Variants in AK5 observed in about 807,000 individuals in gnomAD.
AK5 encodes adenylate kinase 5.
A neutral mutation model predicts 69.5 loss-of-function variants in AK5; 27 were observed. That is an observed-to-expected ratio of 0.39 (90% CI 0.29 to 0.54). AK5 has a LOEUF of 0.54. Ranked by LOEUF, AK5 falls within the 20% of genes least tolerant of loss-of-function variation. The pLI, the probability that AK5 is intolerant of heterozygous loss-of-function variation, is 0.71. For synonymous variants in AK5, 260 were observed against 244.4 expected (o/e 1.06, Z -0.60); for missense variants, 531 against 700.4 (o/e 0.76, Z 2.73).
At chr1:77,477,003 AGTGTGTGTGTGTGTGT>A (rs10625085) in intron 8 of AK5, among the ~76,000 whole-genome samples, 3 of 147,092 alleles carry the variant, frequency 2.0e-5, no homozygotes, top group South Asian at 2.2e-4. Context: ...TGTTCTTTTT[AGTGTGTGTGTGTGTGT>A]GTGTGTGTGT....
intron 5 of AK5, among the ~76,000 whole-genome samples, chr1:77,308,752 T>C (rs1215992468): frequency 3.3e-5 from 5 of 152,026 alleles, no homozygotes; most frequent in African/African-American, 1.2e-4. Context: ...GACGTTATTA[T>C]TGAAAATGGA....
chr1:77,517,935 G>A (rs1657762117), intron 10 of AK5, among the ~76,000 whole-genome samples: 1 of 152,160 alleles, frequency 6.6e-6, no homozygotes, highest in Admixed American at 6.5e-5. Flanking sequence ...CATTATGATG[G>A]AGGATATGCT....
intron 8 of AK5, among the ~76,000 whole-genome samples, chr1:77,444,847 G>T (rs898047252): frequency 1.3e-5 from 2 of 151,160 alleles, no homozygotes; most frequent in Non-Finnish European, 2.9e-5. Flanking sequence ...AAAGTGCTGG[G>T]ATTATCAGGT....
chr1:77,466,719 T>G (rs1190142338), intron 8 of AK5, among the ~76,000 whole-genome samples: 1 of 152,208 alleles, frequency 6.6e-6, no homozygotes, highest in Admixed American at 6.5e-5. Context: ...CGTCCTCACA[T>G]GTTGGAACAC....
At chr1:77,412,789 A>G (rs148028670) in intron 7 of AK5, among the ~76,000 whole-genome samples, 3 of 152,038 alleles carry the variant, frequency 2.0e-5, no homozygotes, top group Admixed American at 6.5e-5. Flanking sequence ...ATCGCCTCCT[A>G]TGAATGGCAT....
chr1:77,313,626 T>C (rs918019545), intron 5 of AK5, among the ~76,000 whole-genome samples: 1 of 152,016 alleles, frequency 6.6e-6, no homozygotes, highest in African/African-American at 2.4e-5. Flanking sequence ...CTGGTCCTTA[T>C]AAGGCGATGG....
intron 8 of AK5, among the ~76,000 whole-genome samples, chr1:77,461,184 C>T (rs1181125459): frequency 6.6e-6 from 1 of 151,820 alleles, no homozygotes; most frequent in Non-Finnish European, 1.5e-5. Context: ...CAGGTGCCCA[C>T]CACCGCGCCT....
At chr1:77,509,771 G>A (rs1232996266) in intron 10 of AK5, among the ~76,000 whole-genome samples, 1 of 152,210 alleles carries the variant, frequency 6.6e-6, no homozygotes. Context: ...ATATAAAACT[G>A]CTGTGTCCAA....
chr1:77,504,084 C>T (rs1570273211), intron 10 of AK5, among the ~76,000 whole-genome samples: 1 of 152,112 alleles, frequency 6.6e-6, no homozygotes, highest in African/African-American at 2.4e-5. Flanking sequence ...TTGTAAATTG[C>T]AGGTTCCTCA....
intron 7 of AK5, among the ~76,000 whole-genome samples, chr1:77,416,890 T>TATATTTTCTAG (rs1650465015): frequency 6.6e-6 from 1 of 152,142 alleles, no homozygotes; most frequent in South Asian, 2.1e-4. Context: ...GGTAGTTAGA[T>TATATTTTCTAG]GATATATATT....
chr1:77,504,758 C>T (rs554790450), intron 10 of AK5, among the ~76,000 whole-genome samples: 1 of 152,270 alleles, frequency 6.6e-6, no homozygotes, highest in South Asian at 2.1e-4. Flanking sequence ...GCAAGGACTA[C>T]CATAGGCATT....
At chr1:77,469,803 C>T (rs1654354287) in intron 8 of AK5, among the ~76,000 whole-genome samples, 1 of 152,232 alleles carries the variant, frequency 6.6e-6, no homozygotes, top group Non-Finnish European at 1.5e-5. Flanking sequence ...AACTAGCATA[C>T]TGTAACCTCT....
intron 8 of AK5, among the ~76,000 whole-genome samples, chr1:77,439,334 T>G (rs1210657095): frequency 2.6e-5 from 4 of 152,198 alleles, no homozygotes; most frequent in Non-Finnish European, 5.9e-5. Flanking sequence ...GATATTTTGG[T>G]GCACGCATAC....
intron 7 of AK5, among the ~76,000 whole-genome samples, chr1:77,412,290 G>A (rs1650096372): frequency 6.6e-6 from 1 of 152,114 alleles, no homozygotes; most frequent in Non-Finnish European, 1.5e-5. Context: ...CTGAGGACAC[G>A]TGCTGTGTCC....
At chr1:77,532,936 A>G (rs1014861158) in intron 12 of AK5, among the ~76,000 whole-genome samples, 8 of 152,224 alleles carry the variant, frequency 5.3e-5, no homozygotes, top group African/African-American at 1.9e-4. Flanking sequence ...TAGGAACCAG[A>G]CAGCTACTCC....
intron 10 of AK5, among the ~76,000 whole-genome samples, chr1:77,505,146 GAACATAA>G (rs371379891): frequency 6.6e-6 from 1 of 152,256 alleles, no homozygotes; most frequent in African/African-American, 2.4e-5. Context: ...GTCTAGAATT[GAACATAA>G]AACCTCAGAT....
chr1:77,555,192 C>T (rs891843868), intron 13 of AK5, among the ~76,000 whole-genome samples: 45 of 152,116 alleles, frequency 3.0e-4, no homozygotes, highest in Non-Finnish European at 3.2e-4. Flanking sequence ...GCAGGAGAAT[C>T]GCCTGAACTT....
At chr1:77,506,152 G>A (rs1657009372) in intron 10 of AK5, among the ~76,000 whole-genome samples, 1 of 152,112 alleles carries the variant, frequency 6.6e-6, no homozygotes. Flanking sequence ...AAATAAATGT[G>A]CTTGATGAGC....
chr1:77,307,076 G>T (rs1036325230), intron 5 of AK5, among the ~76,000 whole-genome samples: 29 of 150,814 alleles, frequency 1.9e-4, no homozygotes, highest in Non-Finnish European at 4.1e-4. Context: ...ACCTTTTATT[G>T]TTTTTTCATT....
Sources: gnomAD v4.1 joint callset for allele counts (sites outside exome capture counted in the v4.1 genomes callset) on GRCh38, gnomAD v4.1.1 for gene constraint, MANE v1.5 for transcripts, NCBI Gene and HGNC (gene_info 2026-07-23, HGNC 2026-07-21) for gene names.